NAALADL2: variants seen among roughly 807,000 people sequenced by gnomAD.
The protein encoded by NAALADL2 is N-acetylated alpha-linked acidic dipeptidase like 2.
NAALADL2 carries 76 observed loss-of-function variants against 87.2 expected under a neutral mutation model. That is an observed-to-expected ratio of 0.87 (90% confidence interval 0.72 to 1.05). The LOEUF (loss-of-function observed/expected upper bound fraction) is 1.05, where lower values mean the gene tolerates loss of function less well. NAALADL2 is among the 50% of genes least tolerant of loss of function. NAALADL2 has a pLI of 0.00. For missense variants in NAALADL2, 1,089 were observed against 945.8 expected, an observed-to-expected ratio of 1.15 and a Z score of -1.99; for synonymous variants, 354 against 331.0, an observed-to-expected ratio of 1.07 and a Z score of -0.75.
At chr3:175,493,836 A>G (rs1193575993) in intron 9 of NAALADL2, among the ~76,000 whole-genome samples, 2 of 152,240 alleles carry the variant, frequency 1.3e-5, no homozygotes, top group South Asian at 2.1e-4. Context: ...TAAATAATAG[A>G]CATACACATA....
chr3:174,465,323 C>A (rs1373283833), intron 1 of NAALADL2, among the ~76,000 whole-genome samples: 2 of 152,112 alleles, frequency 1.3e-5, no homozygotes, highest in East Asian at 3.9e-4. Context: ...GTGATTGTCT[C>A]CCAAGCCGGG....
At chr3:175,381,174 A>G (rs1767738697) in intron 5 of NAALADL2, among the ~76,000 whole-genome samples, 2 of 151,802 alleles carry the variant, frequency 1.3e-5, no homozygotes, top group Admixed American at 1.3e-4. Context: ...AACTTTCTAC[A>G]GTTATTATGG....
chr3:174,444,358 A>G (rs1370861104), intron 1 of NAALADL2, among the ~76,000 whole-genome samples: 2 of 152,148 alleles, frequency 1.3e-5, no homozygotes, highest in Non-Finnish European at 2.9e-5. Context: ...GGTGTGGTAC[A>G]TGAGAAATTT....
chr3:174,452,616 C>T (rs956754978), intron 1 of NAALADL2, among the ~76,000 whole-genome samples: 8 of 152,050 alleles, frequency 5.3e-5, no homozygotes, highest in African/African-American at 1.4e-4. Context: ...AATTGAGGCC[C>T]GATACAAGTT....
chr3:174,547,252 T>C, intron 1 of NAALADL2, among the ~76,000 whole-genome samples: 1 of 152,158 alleles, frequency 6.6e-6, no homozygotes, highest in East Asian at 1.9e-4. Context: ...TCACATAAAT[T>C]GTCCTGCATA....
chr3:174,977,198 G>C (rs1744472005), intron 1 of NAALADL2, among the ~76,000 whole-genome samples: 1 of 152,196 alleles, frequency 6.6e-6, no homozygotes, highest in Non-Finnish European at 1.5e-5. Context: ...TGAACTCATA[G>C]AAGTAGAGTA....
intron 2 of NAALADL2, among the ~76,000 whole-genome samples, chr3:174,626,734 A>C (rs2108682313): frequency 6.6e-6 from 1 of 152,060 alleles, no homozygotes; most frequent in Middle Eastern, 3.4e-3. Context: ...TTTTCCAGTA[A>C]AATTTTTGAT....
intron 2 of NAALADL2, among the ~76,000 whole-genome samples, chr3:174,608,706 G>T (rs1445323088): frequency 6.6e-6 from 1 of 150,764 alleles, no homozygotes; most frequent in Non-Finnish European, 1.5e-5. Flanking sequence ...AGGACCAGAT[G>T]GATTCACAGC....
intron 1 of NAALADL2, among the ~76,000 whole-genome samples, chr3:174,953,452 C>T (rs966361216): frequency 4.0e-5 from 6 of 151,312 alleles, no homozygotes; most frequent in East Asian, 2.0e-4. Context: ...AATCCCTGCT[C>T]TTATGGAGTT....
chr3:175,688,689 A>G (rs891297083), intron 11 of NAALADL2, among the ~76,000 whole-genome samples: 1 of 152,036 alleles, frequency 6.6e-6, no homozygotes, highest in African/African-American at 2.4e-5. Context: ...AGGAGGGTGG[A>G]TGGAGGGGAA....
chr3:175,532,705 T>C (rs1167660738), intron 9 of NAALADL2, among the ~76,000 whole-genome samples: 1 of 152,196 alleles, frequency 6.6e-6, no homozygotes, highest in Non-Finnish European at 1.5e-5. Flanking sequence ...CCACCTTGCC[T>C]TTTACATATG....
chr3:175,474,206 T>A (rs2149300957), intron 9 of NAALADL2, among the ~76,000 whole-genome samples: 1 of 152,318 alleles, frequency 6.6e-6, no homozygotes, highest in African/African-American at 2.4e-5. Context: ...CTGTATAGAA[T>A]ATCTAATCCT....
intron 2 of NAALADL2, among the ~76,000 whole-genome samples, chr3:175,119,763 CTA>C (rs910189239): frequency 7.2e-6 from 1 of 138,314 alleles, no homozygotes; most frequent in African/African-American, 2.7e-5. Flanking sequence ...ATATATAAAA[CTA>C]TATATAGATA....
chr3:175,342,265 C>T (rs1290768598), intron 5 of NAALADL2, among the ~76,000 whole-genome samples: 1 of 152,018 alleles, frequency 6.6e-6, no homozygotes, highest in Non-Finnish European at 1.5e-5. Context: ...AGATAAGAAG[C>T]TACACAATCA....
At chr3:174,962,316 G>A (rs1364155266) in intron 1 of NAALADL2, among the ~76,000 whole-genome samples, 2 of 127,086 alleles carry the variant, frequency 1.6e-5, no homozygotes, top group East Asian at 2.1e-4. Context: ...CTTTTCAGCT[G>A]TATTAACACC....
intron 3 of NAALADL2, among the ~76,000 whole-genome samples, chr3:175,249,450 T>C (rs1748603447): frequency 6.6e-6 from 1 of 152,126 alleles, no homozygotes; most frequent in African/African-American, 2.4e-5. Flanking sequence ...CTCTACCTGT[T>C]TTTTAAAAAA....
intron 1 of NAALADL2, among the ~76,000 whole-genome samples, chr3:175,046,526 A>G (rs953445549): frequency 1.3e-5 from 2 of 152,130 alleles, no homozygotes; most frequent in Admixed American, 6.6e-5. Flanking sequence ...AGCCCTCTCC[A>G]TGAGAGAACT....
At chr3:175,107,040 C>T (rs529340899) in intron 2 of NAALADL2, among the ~76,000 whole-genome samples, 1 of 152,156 alleles carries the variant, frequency 6.6e-6, no homozygotes, top group South Asian at 2.1e-4. Flanking sequence ...AACACCCTCA[C>T]TCTACTGTCC....
At position 174,787,588 on chromosome 3, in the gene NAALADL2, T is replaced by TATATATATATATAC. The variant is rs1350744343; in HGVS notation, c.-9+49855_-9+49856insCATATATATATATA. On this transcript the variant is annotated intron_variant, in intron 3 of 3. Coordinates refer to the NAALADL2 transcript ENST00000434257. The stretch of plus-strand genomic sequence containing the variant: ...GGCAATATATCATCATATATATATA[T>TATATATATATATAC]ATATATATATATATATATATATATA... Among the ~76,000 whole-genome samples, 17 of 61,256 alleles carry TATATATATATATAC rather than the reference T, an allele frequency of 2.8e-4. 1 individual carries two copies. The highest frequency in any genetic ancestry group is 2.3e-3 in the East Asian group (4 of 1,722). The allele number at this position is 61,256 out of a possible 152,430, so 40.2% of individuals were successfully genotyped here. A position where few individuals can be genotyped will look rare whatever the true frequency, so the allele number is the denominator to read the frequency against.
Sources: allele counts gnomAD v4.1 joint callset (sites outside exome capture counted in the v4.1 genomes callset), GRCh38; gene constraint gnomAD v4.1.1; transcripts MANE v1.5; gene names NCBI Gene and HGNC (gene_info 2026-07-23, HGNC 2026-07-21).